The following PCDH11X variants were observed in gnomAD, a reference collection of about 807,000 sequenced individuals.
PCDH11X encodes the protein protocadherin-11 X-linked.
In PCDH11X, 18 loss-of-function variants were observed where a neutral mutation model predicts 53.3. The observed-to-expected ratio is 0.34, with a 90% confidence interval of 0.23 to 0.50. The LOEUF is 0.50. Ranked by LOEUF, PCDH11X falls within the 20% of genes least tolerant of loss-of-function variation. PCDH11X has a pLI of 0.98. For missense variants in PCDH11X, 570 were observed against 1,032.4 expected, an observed-to-expected ratio of 0.55 and a Z score of 6.14; for synonymous variants, 279 against 393.3, an observed-to-expected ratio of 0.71 and a Z score of 3.44.
intron 7 of PCDH11X, among the ~76,000 whole-genome samples, chrX:92,222,239 A>C (rs1447685677): frequency 9.0e-6 from 1 of 111,499 alleles, no homozygotes; most frequent in African/African-American, 3.3e-5. Flanking sequence ...CTCAATGTAA[A>C]TGTTGAATTT....
chrX:92,131,189 G>A (rs1290719132), intron 6 of PCDH11X, among the ~76,000 whole-genome samples: 2 of 111,495 alleles, frequency 1.8e-5, no homozygotes, highest in Non-Finnish European at 3.8e-5. Flanking sequence ...TTTAAAAAAC[G>A]AATAGTTTTA....
At chrX:92,156,811 G>T (rs1317731126) in intron 6 of PCDH11X, among the ~76,000 whole-genome samples, 5 of 111,680 alleles carry the variant, frequency 4.5e-5, no homozygotes, top group Non-Finnish European at 9.4e-5. Context: ...TGTGGAATTG[G>T]ATGGTTAAAA....
chrX:92,421,721 C>T (rs889642899), intron 9 of PCDH11X, among the ~76,000 whole-genome samples: 7 of 111,702 alleles, frequency 6.3e-5, no homozygotes, highest in African/African-American at 9.8e-5. Flanking sequence ...ATTTATATTC[C>T]GACTAACAAT....
intron 6 of PCDH11X, among the ~76,000 whole-genome samples, chrX:92,144,665 C>G (rs2065241990): frequency 1.8e-5 from 2 of 110,813 alleles, no homozygotes; most frequent in African/African-American, 6.6e-5. Flanking sequence ...TTGCCTCCTC[C>G]TATACTAAAA....
intron 4 of PCDH11X, among the ~76,000 whole-genome samples, chrX:91,829,402 A>T (rs1180164602): frequency 1.3e-5 from 1 of 77,126 alleles, no homozygotes; most frequent in Middle Eastern, 5.7e-3. Flanking sequence ...TGAAGACACA[A>T]ATATATATAT....
At chrX:92,039,395 T>C (rs964265854) in intron 6 of PCDH11X, among the ~76,000 whole-genome samples, 3 of 111,751 alleles carry the variant, frequency 2.7e-5, no homozygotes, top group Non-Finnish European at 3.8e-5. Context: ...TGGTATTCTA[T>C]TGTACTATGG....
intron 6 of PCDH11X, among the ~76,000 whole-genome samples, chrX:92,129,988 GCACA>G (rs1384918651): frequency 9.0e-6 from 1 of 111,105 alleles, no homozygotes; most frequent in Non-Finnish European, 1.9e-5. Flanking sequence ...ACACGCACAT[GCACA>G]CACACACATT....
chrX:92,133,655 C>T (rs1461049205), intron 6 of PCDH11X, among the ~76,000 whole-genome samples: 6 of 112,377 alleles, frequency 5.3e-5, no homozygotes, highest in Admixed American at 1.9e-4. Flanking sequence ...CGTGAGCCAC[C>T]GCTCCCTGCC....
intron 8 of PCDH11X, among the ~76,000 whole-genome samples, chrX:92,383,373 C>T (rs1242227449): frequency 9.4e-6 from 1 of 106,731 alleles, no homozygotes; most frequent in Non-Finnish European, 1.9e-5. Flanking sequence ...ATGTGCAGAA[C>T]GTGCAGGTGT....
intron 6 of PCDH11X, among the ~76,000 whole-genome samples, chrX:91,957,335 A>C (rs186255781): frequency 6.4e-4 from 71 of 110,454 alleles, no homozygotes; most frequent in African/African-American, 2.3e-3. Flanking sequence ...GAGAAGAAGC[A>C]CTCTGGCTTT....
intron 10 of PCDH11X, among the ~76,000 whole-genome samples, chrX:92,576,493 T>A (rs2148780813): frequency 1.1e-5 from 1 of 94,839 alleles, no homozygotes; most frequent in East Asian, 3.3e-4. Context: ...CTTTTTGCTT[T>A]CCTGTATTTT....
At chrX:92,609,506 G>A (rs1361568208) in intron 10 of PCDH11X, among the ~76,000 whole-genome samples, 2 of 111,660 alleles carry the variant, frequency 1.8e-5, no homozygotes, top group African/African-American at 3.2e-5. Flanking sequence ...TGACTGTGCT[G>A]AGCCTCTAAT....
intron 6 of PCDH11X, among the ~76,000 whole-genome samples, chrX:92,042,899 A>C (rs2063232175): frequency 9.1e-6 from 1 of 109,499 alleles, no homozygotes; most frequent in Non-Finnish European, 1.9e-5. Flanking sequence ...TCAGCCTCCC[A>C]AAGTACTGGG....
chrX:92,552,344 T>C (rs1341270757), intron 10 of PCDH11X, among the ~76,000 whole-genome samples: 40 of 108,373 alleles, frequency 3.7e-4, no homozygotes, highest in Non-Finnish European at 5.8e-4. Flanking sequence ...TCTTACAGAT[T>C]GTTCCTTGTT....
At chrX:92,154,628 G>A (rs77456486) in intron 6 of PCDH11X, among the ~76,000 whole-genome samples, 39 of 110,220 alleles carry the variant, frequency 3.5e-4, no homozygotes, top group Non-Finnish European at 6.0e-4. Flanking sequence ...AGACACACAA[G>A]CGGCTGGACA....
At chrX:91,887,813 G>A (rs891532924) in intron 6 of PCDH11X, among the ~76,000 whole-genome samples, 4 of 110,752 alleles carry the variant, frequency 3.6e-5, no homozygotes, top group African/African-American at 1.3e-4. Context: ...ATAGATGTAT[G>A]ATTGGACAAA....
At chrX:92,281,627 C>A (rs747459037) in intron 8 of PCDH11X, among the ~76,000 whole-genome samples, 1 of 111,419 alleles carries the variant, frequency 9.0e-6, no homozygotes. Flanking sequence ...AGGTATGGAG[C>A]TGTAATCTCC....
chrX:92,525,483 T>C (rs2074433478), intron 10 of PCDH11X, among the ~76,000 whole-genome samples: 1 of 108,724 alleles, frequency 9.2e-6, no homozygotes, highest in Middle Eastern at 4.7e-3. Flanking sequence ...ATACAAAAAT[T>C]AGCCAGGAGT....
At chrX:92,017,667 G>A (rs774755298) in intron 6 of PCDH11X, among the ~76,000 whole-genome samples, 2 of 100,410 alleles carry the variant, frequency 2.0e-5, no homozygotes, top group African/African-American at 3.7e-5. Flanking sequence ...ATGGTGCCAC[G>A]GCACTCCAGC....
Sources: gnomAD v4.1 joint callset for allele counts (sites outside exome capture counted in the v4.1 genomes callset) on GRCh38, gnomAD v4.1.1 for gene constraint, MANE v1.5 for transcripts, NCBI Gene and HGNC (gene_info 2026-07-23, HGNC 2026-07-21) for gene names.